The following OXR1 variants were observed in gnomAD, a reference collection of about 807,000 sequenced individuals.
The protein encoded by OXR1 is oxidation resistance protein 1.
A neutral mutation model predicts 104.6 loss-of-function variants in OXR1; 41 were observed. The ratio of observed to expected loss-of-function variants is 0.39; its 90% CI spans 0.31 to 0.51. The LOEUF (loss-of-function observed/expected upper bound fraction) is 0.51, where lower values mean the gene tolerates loss of function less well. Among genes scored for constraint, OXR1 ranks in the 20% least tolerant of loss-of-function variants. The pLI is 0.77. For missense variants in OXR1, 955 were observed against 1,031.9 expected, an observed-to-expected ratio of 0.93 and a Z score of 1.02; for synonymous variants, 348 against 348.4, an observed-to-expected ratio of 1.00 and a Z score of 0.01.
chr8:106,585,380 G>T (rs1337807045), intron 3 of OXR1, among the ~76,000 whole-genome samples: 1 of 152,040 alleles, frequency 6.6e-6, no homozygotes, highest in Non-Finnish European at 1.5e-5. Context: ...CTATTTTCCT[G>T]TTATCTCAGG....
intron 3 of OXR1, among the ~76,000 whole-genome samples, chr8:106,631,050 A>G (rs867576916): frequency 6.6e-5 from 10 of 152,358 alleles, no homozygotes; most frequent in South Asian, 2.1e-4. Context: ...TACTCATTCA[A>G]TAATGAAAAG....
rs543376280 is a variant in OXR1 at position 106,697,032 on chromosome 8, A to T, written c.675+4155A>T. ...CTTGTAGAAGCAAGGCCAGTCCAGCATCAGAAGGCAGAGGCAGCATCACTG... is the reference window on the plus strand; with the variant it reads ...CTTGTAGAAGCAAGGCCAGTCCAGCTTCAGAAGGCAGAGGCAGCATCACTG... On this transcript the variant is annotated intron_variant, in intron 7 of 16. Coordinates refer to ENST00000517566, the MANE Select transcript of OXR1 (RefSeq NM_001198533.2). Among the ~76,000 whole-genome samples the T allele has an allele frequency of 2.6e-5, 4 of 152,332 alleles. No homozygotes were observed. In the South Asian group the frequency reaches 8.3e-4, roughly 32 times the overall value.
chr8:106,339,332 A>G (rs928605435), intron 1 of OXR1, among the ~76,000 whole-genome samples: 3 of 150,354 alleles, frequency 2.0e-5, no homozygotes, highest in African/African-American at 7.3e-5. Context: ...TGTCTCTACT[A>G]AAAATACAAA....
chr8:106,676,755 G>A (rs2131194953), intron 3 of OXR1, among the ~76,000 whole-genome samples: 1 of 151,966 alleles, frequency 6.6e-6, no homozygotes, highest in South Asian at 2.1e-4. Context: ...TCATATTGAT[G>A]GAAGAAAACA....
At chr8:106,679,688 C>T (rs1273599028) in intron 4 of OXR1, among the ~76,000 whole-genome samples, 2 of 151,548 alleles carry the variant, frequency 1.3e-5, no homozygotes, top group South Asian at 2.1e-4. Context: ...ATTAATCTTC[C>T]AGTATAACCT....
intron 3 of OXR1, among the ~76,000 whole-genome samples, chr8:106,584,773 A>C (rs969632000): frequency 6.6e-6 from 1 of 152,166 alleles, no homozygotes; most frequent in African/African-American, 2.4e-5. Flanking sequence ...AATCCAAGAA[A>C]TAGGAGATAT....
At chr8:106,615,607 C>CA (rs34898459) in intron 3 of OXR1, among the ~76,000 whole-genome samples, 28,064 of 117,348 alleles carry the variant, frequency 0.24, 3,059 homozygotes, top group East Asian at 0.41. Context: ...GAATCTGTCT[C>CA]AAAAAAAAAA....
chr8:106,460,894 T>C (rs1820871205), intron 2 of OXR1, among the ~76,000 whole-genome samples: 1 of 152,054 alleles, frequency 6.6e-6, no homozygotes, highest in South Asian at 2.1e-4. Flanking sequence ...TATATTTCTA[T>C]ATTAGAAGTT....
rs138534773 is a variant in OXR1, at chr8:106,558,530, A to G, written c.220+39391A>G. Among the ~76,000 whole-genome samples the G allele has an allele frequency of 4.6e-5, 7 of 152,296 alleles. No homozygotes were observed. The East Asian group carries it at 5.8e-4, about 13-fold the overall frequency. On this transcript the variant is annotated intron_variant, in intron 3 of 16. Transcript: ENST00000517566. ...CCAGTACAAAGTATTCTGATACACA[A>G]TGGTTAAATGTTGGCTATGTTAGCC...
chr8:106,715,024 A>G (rs1832093609), intron 11 of OXR1, among the ~76,000 whole-genome samples: 1 of 152,168 alleles, frequency 6.6e-6, no homozygotes, highest in Non-Finnish European at 1.5e-5. Context: ...CAACATTATC[A>G]ATCTTCATAC....
Position 106,706,846 on chromosome 8 carries a change from G to C in OXR1, c.1325G>C (p.Ser442Thr). The C allele has an allele frequency of 6.2e-7, 1 of 1,612,438 alleles. No individual in the cohort carries two copies. Among genetic ancestry groups the C allele is most frequent in the Admixed American group, 1.7e-5 (1 of 59,612 alleles). Residue 442 changes from serine to threonine, a missense_variant, in exon 9 of 17, where the codon AGT (serine) becomes ACT (threonine). Ser to Thr is a moderately conservative substitution (Grantham distance 58). Coordinates refer to ENST00000517566, the MANE Select transcript of OXR1 (RefSeq NM_001198533.2). ...GISGPKEDSTSIKGNSDQDSF... is the reference protein window; with the variant it reads ...GISGPKEDSTTIKGNSDQDSF... ...TCAGGTCCTAAAGAAGACAGCACAA[G>C]TATAAAAGGTAATTCAGACCAGGAT...
intron 1 of OXR1, among the ~76,000 whole-genome samples, chr8:106,349,078 A>G (rs566738313): frequency 2.6e-5 from 4 of 152,334 alleles, no homozygotes; most frequent in African/African-American, 7.2e-5. Context: ...CAGGAACACC[A>G]GTGATCAGTG....
In OXR1 at chr8:106,395,430, C is replaced by T. The variant is rs148125748; in HGVS notation, c.23+35794C>T. On this transcript the variant is annotated intron_variant, in intron 2 of 16. Coordinates refer to ENST00000517566, the MANE Select transcript of OXR1 (RefSeq NM_001198533.2). ...GAGGTGAAAGGCACTTCTTACATGG[C>T]AGCAGCAAGAGACAATGAGGAAGTA... Among the ~76,000 whole-genome samples, 634 of 152,188 alleles carry T rather than the reference C, an allele frequency of 4.2e-3. 8 individuals are homozygous for T. The highest frequency in any genetic ancestry group is 0.014 in the African/African-American group (597 of 41,534).
In OXR1 at chr8:106,612,467, T is replaced by A. The variant is rs557493217; in HGVS notation, c.221-66743T>A. 7.9e-5 allele frequency among the ~76,000 whole-genome samples: 12 copies of A among 152,288 alleles called. No homozygotes were observed. The East Asian group carries it at 2.1e-3, about 27-fold the overall frequency. ...ATATGTATCATTCATTTTCTTCAGATGACTTTTTATAGAAGCTTGAAATTC... is the reference window on the plus strand; with the variant it reads ...ATATGTATCATTCATTTTCTTCAGAAGACTTTTTATAGAAGCTTGAAATTC... On this transcript the variant is annotated intron_variant, in intron 3 of 16. Coordinates refer to ENST00000517566, the MANE Select transcript of OXR1 (RefSeq NM_001198533.2).
intron 2 of OXR1, among the ~76,000 whole-genome samples, chr8:106,372,975 C>T (rs1202525676): frequency 1.3e-5 from 2 of 152,108 alleles, no homozygotes; most frequent in African/African-American, 4.8e-5. Flanking sequence ...TAGATTCAAC[C>T]AACCTCAGAT....
chr8:106,596,950 G>A (rs1199781838), intron 3 of OXR1, among the ~76,000 whole-genome samples: 2 of 152,104 alleles, frequency 1.3e-5, no homozygotes, highest in African/African-American at 4.8e-5. Context: ...ATACTCAGGA[G>A]GCTGAGGCAG....
At chr8:106,719,243 G>T (rs1017732075) in intron 11 of OXR1, among the ~76,000 whole-genome samples, 1 of 152,274 alleles carries the variant, frequency 6.6e-6, no homozygotes, top group East Asian at 1.9e-4. Context: ...TGCTCTAATG[G>T]CATTTTAACA....
intron 3 of OXR1, among the ~76,000 whole-genome samples, chr8:106,605,585 G>A (rs1039709065): frequency 6.6e-6 from 1 of 150,968 alleles, no homozygotes; most frequent in South Asian, 2.1e-4. Flanking sequence ...ACCTGAGGTC[G>A]GGAGTTCCAG....
intron 3 of OXR1, among the ~76,000 whole-genome samples, chr8:106,605,754 G>A (rs531177599): frequency 3.3e-5 from 5 of 152,034 alleles, no homozygotes; most frequent in Admixed American, 2.6e-4. Context: ...AGCCGAGATG[G>A]TGCCACTGCA....
Sources: allele counts gnomAD v4.1 joint callset (sites outside exome capture counted in the v4.1 genomes callset), GRCh38; gene constraint gnomAD v4.1.1; transcripts MANE v1.5; gene names NCBI Gene and HGNC (gene_info 2026-07-23, HGNC 2026-07-21).